ARID3B: variants seen among roughly 807,000 people sequenced by gnomAD.
The protein encoded by ARID3B is AT-rich interactive domain-containing protein 3B.
A neutral mutation model predicts 51.9 loss-of-function variants in ARID3B; 10 were observed. That is an observed-to-expected ratio of 0.19 (90% CI 0.12 to 0.33). The LOEUF is 0.33. ARID3B is among the 10% of genes least tolerant of loss of function. The pLI is 1.00. For synonymous variants in ARID3B, 205 were observed against 279.5 expected, an observed-to-expected ratio of 0.73 and a Z score of 2.66; for missense variants, 483 against 716.3, an observed-to-expected ratio of 0.67 and a Z score of 3.72.
At position 74,598,057 on chromosome 15, in the gene ARID3B, A is replaced by G. The variant is rs991496320; in HGVS notation, c.*2283A>G. On this transcript the variant is annotated 3_prime_UTR_variant, in exon 9 of 9. Transcript: ENST00000346246. ...AGATGTCCTCCTGCAGCAAGTGTCT[A>G]TATGTTGTGGTTATTTTCTATCTTA... 5.7e-5 allele frequency: 30 copies of G among 526,842 alleles called. No homozygotes were observed. Among genetic ancestry groups the G allele is most frequent in the Non-Finnish European group, 1.0e-4 (28 of 270,154 alleles). The allele number at this position is 526,842 out of a possible 1,614,324, so 32.6% of individuals were successfully genotyped here.
chr15:74,561,377 A>G (rs1275574782), intron 2 of ARID3B, among the ~76,000 whole-genome samples: 1 of 152,194 alleles, frequency 6.6e-6, no homozygotes, highest in African/African-American at 2.4e-5. Context: ...TATCACATGG[A>G]TAGCACCTTC....
At chr15:74,570,690 A>T (rs2061716287) in intron 2 of ARID3B, among the ~76,000 whole-genome samples, 1 of 152,148 alleles carries the variant, frequency 6.6e-6, no homozygotes, top group African/African-American at 2.4e-5. Flanking sequence ...TTCCAGCAGG[A>T]ATTACTGGCT....
intron 2 of ARID3B, among the ~76,000 whole-genome samples, chr15:74,559,634 C>T (rs1392866961): frequency 6.6e-6 from 1 of 152,160 alleles, no homozygotes; most frequent in Non-Finnish European, 1.5e-5. Flanking sequence ...TGACTTCTAG[C>T]TCCATATTCC....
rs941258601 is a variant in ARID3B, at chr15:74,553,878, C to G, written c.552+9390C>G. Among the ~76,000 whole-genome samples, 14 of 151,956 alleles carry G rather than the reference C, an allele frequency of 9.2e-5. No homozygotes were observed. The East Asian group carries it at 2.3e-3, about 25-fold the overall frequency. On this transcript the variant is annotated intron_variant, in intron 2 of 8. Coordinates refer to ENST00000346246, the MANE Select transcript of ARID3B (RefSeq NM_006465.4). ...CGCTCTTGTTGCCCAGGCTGGAGTG[C>G]AATGGCACAATCTCGGCGCACTGCA... is the stretch of plus-strand genomic sequence containing the variant.
At chr15:74,584,107 G>T (rs2061771524) in intron 4 of ARID3B, among the ~76,000 whole-genome samples, 2 of 152,170 alleles carry the variant, frequency 1.3e-5, no homozygotes, top group Non-Finnish European at 2.9e-5. Flanking sequence ...ATACTGCAGG[G>T]CACTGAGGTT....
intron 2 of ARID3B, among the ~76,000 whole-genome samples, chr15:74,562,714 G>A (rs2061683408): frequency 6.6e-6 from 1 of 152,162 alleles, no homozygotes; most frequent in Non-Finnish European, 1.5e-5. Context: ...TGTTTTTATT[G>A]TGATAGGCAT....
At position 74,590,021 on chromosome 15, in the gene ARID3B, G is replaced by C; in HGVS notation, c.881+18G>C. On this transcript the variant is annotated intron_variant, in intron 5 of 8. Coordinates refer to ENST00000346246, the MANE Select transcript of ARID3B (RefSeq NM_006465.4). Reference sequence around the variant, plus strand: ...AGGACGCAGTGAGTGGCCAGGGCCTGGGAGAAGGAAGCTGAGGCTGGAGAA... The same window carrying C: ...AGGACGCAGTGAGTGGCCAGGGCCTCGGAGAAGGAAGCTGAGGCTGGAGAA... 6.3e-7 allele frequency: 1 copy of C among 1,585,634 alleles called. No homozygotes were observed. Among genetic ancestry groups the C allele is most frequent in the Non-Finnish European group, 8.6e-7 (1 of 1,162,614 alleles).
At chr15:74,568,852 C>T (rs2061709287) in intron 2 of ARID3B, among the ~76,000 whole-genome samples, 1 of 152,204 alleles carries the variant, frequency 6.6e-6, no homozygotes, top group Admixed American at 6.5e-5. Context: ...TATAATACTG[C>T]TGCCTGCTGC....
chr15:74,545,954 G>A (rs1032244488), intron 2 of ARID3B, among the ~76,000 whole-genome samples: 1 of 152,176 alleles, frequency 6.6e-6, no homozygotes, highest in Non-Finnish European at 1.5e-5. Context: ...AGGATTAACC[G>A]AGCTAGCACA....
chr15:74,550,927 C>T (rs1030876483), intron 2 of ARID3B, among the ~76,000 whole-genome samples: 1 of 152,172 alleles, frequency 6.6e-6, no homozygotes, highest in African/African-American at 2.4e-5. Context: ...GGCGAATTGT[C>T]ATCAACACCT....
rs900091332 is a variant in ARID3B, at chr15:74,589,021, CTT to C, written c.698-772_698-771del. On this transcript the variant is annotated intron_variant, in intron 4 of 8. Coordinates refer to ENST00000346246, the MANE Select transcript of ARID3B (RefSeq NM_006465.4). ...GCAGGCATGTGCAAACAAGCACACT[CTT>C]TTTTTTTTTTTTTTTTTTTTTTTTT... Among the ~76,000 whole-genome samples the C allele has an allele frequency of 4.9e-3, 433 of 87,818 alleles. 4 individuals are homozygous for C. Among genetic ancestry groups the C allele is most frequent in the African/African-American group, 0.016 (333 of 20,394 alleles). The allele number at this position is 87,818 out of a possible 152,430, so 57.6% of individuals were successfully genotyped here.
intron 2 of ARID3B, among the ~76,000 whole-genome samples, chr15:74,567,215 A>G (rs1258896359): frequency 6.6e-6 from 1 of 152,120 alleles, no homozygotes; most frequent in Admixed American, 6.6e-5. Flanking sequence ...CTCCCTGTCA[A>G]AACATGCCTT....
intron 1 of ARID3B, 135 bp from the exon 2 acceptor site, chr15:74,543,725 A>C (rs1317556739): frequency 9.1e-6 from 5 of 546,672 alleles, no homozygotes; most frequent in Non-Finnish European, 1.6e-5. Flanking sequence ...ACTCATCTTA[A>C]AACTCAGGTT....
chr15:74,577,417 T>C (rs1213898608), intron 4 of ARID3B, among the ~76,000 whole-genome samples: 1 of 151,992 alleles, frequency 6.6e-6, no homozygotes, highest in Non-Finnish European at 1.5e-5. Flanking sequence ...ATCGCACCAT[T>C]GCACTCCAGC....
chr15:74,573,605 G>A (rs748038447), intron 4 of ARID3B: 1 of 235,364 alleles, frequency 4.2e-6, no homozygotes, highest in Non-Finnish European at 8.4e-6. Flanking sequence ...AGGCCCCTCA[G>A]GATATTTTGG....
intron 2 of ARID3B, among the ~76,000 whole-genome samples, chr15:74,551,369 G>A (rs963917000): frequency 3.3e-5 from 5 of 152,170 alleles, no homozygotes; most frequent in Non-Finnish European, 7.4e-5. Context: ...GTATCTTTCC[G>A]TATTAGCATA....
chr15:74,587,352 A>G (rs1311038117), intron 4 of ARID3B, among the ~76,000 whole-genome samples: 1 of 152,170 alleles, frequency 6.6e-6, no homozygotes, highest in East Asian at 1.9e-4. Flanking sequence ...GAAGCCTTCT[A>G]ACACCCTGAA....
intron 4 of ARID3B, among the ~76,000 whole-genome samples, chr15:74,575,933 G>C (rs1206283218): frequency 6.6e-6 from 1 of 152,176 alleles, no homozygotes; most frequent in Non-Finnish European, 1.5e-5. Context: ...GTCTCACTCT[G>C]TTGCCTCAGC....
In ARID3B at chr15:74,544,428, C is replaced by T. The variant is rs1412544677; in HGVS notation, c.492C>T (p.Ala164=). Residue 164 remains alanine, a synonymous_variant, in exon 2 of 9, where the codon GCC becomes GCT. Transcript: ENST00000346246. ...ACCATACCAAAGATGCTTCCAAGGC[C>T]TCACCTTCTGTCTCCACAGCAGGAC... is the stretch of plus-strand genomic sequence containing the variant. ...KEDHTKDASK[A]SPSVSTAGQP... is the part of the protein sequence containing the mutation. 6.2e-7 allele frequency: 1 copy of T among 1,614,194 alleles called. No homozygotes were observed. Among genetic ancestry groups the T allele is most frequent in the Non-Finnish European group, 8.5e-7 (1 of 1,180,046 alleles).
Sources: allele counts gnomAD v4.1 joint callset (sites outside exome capture counted in the v4.1 genomes callset), GRCh38; gene constraint gnomAD v4.1.1; transcripts MANE v1.5; gene names NCBI Gene and HGNC (gene_info 2026-07-23, HGNC 2026-07-21).